The following USP32 variants were observed in gnomAD, a reference collection of about 807,000 sequenced individuals.
USP32 encodes the protein ubiquitin carboxyl-terminal hydrolase 32.
USP32 carries 59 observed loss-of-function variants against 204.8 expected under a neutral mutation model. The ratio of observed to expected loss-of-function variants is 0.29; its 90% CI spans 0.23 to 0.36. The LOEUF (loss-of-function observed/expected upper bound fraction) is 0.36, where lower values mean the gene tolerates loss of function less well. Among genes scored for constraint, USP32 ranks in the 10% least tolerant of loss-of-function variants. USP32 has a pLI of 1.00. For missense variants in USP32, 1,160 were observed against 1,946.4 expected, an observed-to-expected ratio of 0.60 and a Z score of 7.60; for synonymous variants, 517 against 678.4, an observed-to-expected ratio of 0.76 and a Z score of 3.70.
chr17:60,242,265 CT>C (rs1555598524), intron 11 of USP32, among the ~76,000 whole-genome samples: 1 of 152,114 alleles, frequency 6.6e-6, no homozygotes, highest in Non-Finnish European at 1.5e-5. Flanking sequence ...GCTGGGACTA[CT>C]GGCCAGCTAC....
At chr17:60,327,851 G>A (rs888061653) in intron 2 of USP32, among the ~76,000 whole-genome samples, 1 of 152,240 alleles carries the variant, frequency 6.6e-6, no homozygotes, top group African/African-American at 2.4e-5. Context: ...TCACAGCCCG[G>A]CCAGGTATGT....
intron 1 of USP32, among the ~76,000 whole-genome samples, chr17:60,376,181 G>A (rs1483478400): frequency 1.3e-5 from 2 of 152,082 alleles, no homozygotes; most frequent in East Asian, 3.9e-4. Context: ...AAGGAGCTGA[G>A]ATTACAAATG....
chr17:60,223,952 T>C (rs78038914), intron 13 of USP32, among the ~76,000 whole-genome samples: 3,214 of 152,316 alleles, frequency 0.021, 134 homozygotes, highest in African/African-American at 0.073. Context: ...ATATTCCAAA[T>C]GTTCTTGGTA....
At chr17:60,228,000 T>C (rs938805698) in intron 12 of USP32, among the ~76,000 whole-genome samples, 58 of 152,074 alleles carry the variant, frequency 3.8e-4, no homozygotes, top group African/African-American at 1.3e-3. Context: ...ATTTTTAAAA[T>C]TTAGATGGTT....
Position 60,201,660 on chromosome 17 carries a change from A to T in USP32, c.3250-3216T>A, listed in dbSNP as rs1337347409. Among the ~76,000 whole-genome samples the T allele has an allele frequency of 8.7e-3, 1,197 of 137,430 alleles. 18 individuals are homozygous for T. The highest frequency in any genetic ancestry group is 0.028 in the African/African-American group (1,056 of 37,946). 90.2% of individuals were successfully genotyped at this position (137,430 alleles called of 152,430 possible). A position where few individuals can be genotyped will look rare whatever the true frequency, so the allele number is the denominator to read the frequency against. On this transcript the variant is annotated intron_variant, in intron 26 of 33. Transcript: ENST00000300896. ...TCACTGATTACTAGTGTCGTTGATC[A>T]TTTTTTTTTTTTTTTTGAGACGGAG...
intron 1 of USP32, among the ~76,000 whole-genome samples, chr17:60,388,004 A>C (rs2089761036): frequency 6.6e-6 from 1 of 152,132 alleles, no homozygotes. Context: ...AGTGGAGATC[A>C]CTGACCCAAG....
chr17:60,287,468 T>C (rs1210418450), intron 5 of USP32, among the ~76,000 whole-genome samples: 2 of 152,010 alleles, frequency 1.3e-5, no homozygotes, highest in African/African-American at 2.4e-5. Context: ...CTTGGGGAGG[T>C]TGGGCTTTGA....
chr17:60,219,941 T>C lies in USP32; in HGVS notation c.1750-154A>G, dbSNP rs538101455. Among the ~76,000 whole-genome samples, 291 of 151,836 alleles carry C rather than the reference T, an allele frequency of 1.9e-3. 2 individuals carry two copies. Among genetic ancestry groups the C allele is most frequent in the Non-Finnish European group, 2.8e-3 (190 of 67,934 alleles). On this transcript the variant is annotated intron_variant, in intron 15 of 33. Transcript: ENST00000300896. Reference sequence around the variant, plus strand: ...CTGAAACTCACACATTTAAGTTACATGGATCTGATTACTGTTAAAATTCCT... The same window carrying C: ...CTGAAACTCACACATTTAAGTTACACGGATCTGATTACTGTTAAAATTCCT...
chr17:60,302,086 G>A (rs1410796274), intron 2 of USP32, among the ~76,000 whole-genome samples: 1 of 151,232 alleles, frequency 6.6e-6, no homozygotes, highest in Non-Finnish European at 1.5e-5. Context: ...TAAGTGTTCT[G>A]AGCACATATA....
intron 26 of USP32, among the ~76,000 whole-genome samples, chr17:60,201,255 T>A (rs1598053803): frequency 6.6e-6 from 1 of 152,214 alleles, no homozygotes; most frequent in East Asian, 1.9e-4. Flanking sequence ...CATTCCTGTA[T>A]AATGTTCCAT....
rs2086709673 is a variant in USP32, at chr17:60,270,919, G to A, written c.703+431C>T. Among the ~76,000 whole-genome samples, 3 of 151,784 alleles carry A rather than the reference G, an allele frequency of 2.0e-5. No homozygotes were observed. The South Asian group carries it at 6.2e-4, about 31-fold the overall frequency. Reference sequence around the variant, plus strand: ...AATAGTTTCTTCATCTTTTTTTGGAGGGGAGAATACAGCAATGGAATCTTC... The same window carrying A: ...AATAGTTTCTTCATCTTTTTTTGGAAGGGAGAATACAGCAATGGAATCTTC... On this transcript the variant is annotated intron_variant, in intron 6 of 33. Transcript: ENST00000300896.
intron 11 of USP32, among the ~76,000 whole-genome samples, chr17:60,246,337 T>C (rs1036629742): frequency 3.9e-5 from 6 of 152,174 alleles, no homozygotes; most frequent in African/African-American, 1.2e-4. Context: ...TCCATGTTGC[T>C]GCAGATGACA....
At chr17:60,339,763 T>C (rs1481249537) in intron 2 of USP32, among the ~76,000 whole-genome samples, 1 of 152,170 alleles carries the variant, frequency 6.6e-6, no homozygotes, top group Admixed American at 6.5e-5. Flanking sequence ...GAAAATAATT[T>C]AGAAATTTAC....
chr17:60,406,812 C>CCTTT (rs199628321), intron 1 of USP32, among the ~76,000 whole-genome samples: 5,272 of 152,020 alleles, frequency 0.035, 300 homozygotes, highest in African/African-American at 0.12. Flanking sequence ...CTGCGCCTGG[C>CCTTT]CTTTCTTTCT....
intron 26 of USP32, among the ~76,000 whole-genome samples, chr17:60,204,947 A>AAAAGAAGT (rs1249951771): frequency 1.3e-5 from 2 of 150,874 alleles, no homozygotes; most frequent in African/African-American, 4.9e-5. Context: ...TTAGTTAAAA[A>AAAAGAAGT]AAAGAAGTCT....
chr17:60,327,371 C>T (rs1414019409), intron 2 of USP32, among the ~76,000 whole-genome samples: 1 of 144,546 alleles, frequency 6.9e-6, no homozygotes, highest in Non-Finnish European at 1.5e-5. Context: ...TCCACGTCAC[C>T]GAAGCAGCCC....
At chr17:60,292,914 C>T (rs1015736093) in intron 4 of USP32, among the ~76,000 whole-genome samples, 1 of 152,180 alleles carries the variant, frequency 6.6e-6, no homozygotes, top group Non-Finnish European at 1.5e-5. Context: ...CTACCACTCC[C>T]TTGTTCACAC....
rs189366647 is a variant in USP32 at position 60,345,104 on chromosome 17, A to G, written c.186+377T>C. Among the ~76,000 whole-genome samples, 68 of 152,360 alleles carry G rather than the reference A, an allele frequency of 4.5e-4. 1 individual carries two copies. Among genetic ancestry groups the G allele is most frequent in the Middle Eastern group, 6.8e-3 (2 of 294 alleles). ...TTACAACATTTAATTTTATAGAATT[A>G]ACTATGTTTTACTATACAGAAAATT... On this transcript the variant is annotated intron_variant, in intron 2 of 33. Transcript: ENST00000300896.
intron 2 of USP32, among the ~76,000 whole-genome samples, chr17:60,319,019 T>A (rs2088050920): frequency 6.6e-6 from 1 of 152,216 alleles, no homozygotes; most frequent in Admixed American, 6.5e-5. Flanking sequence ...ATGATACCAC[T>A]TACGTAAAGT....
Sources: gnomAD v4.1 joint callset for allele counts (sites outside exome capture counted in the v4.1 genomes callset) on GRCh38, gnomAD v4.1.1 for gene constraint, MANE v1.5 for transcripts, NCBI Gene and HGNC (gene_info 2026-07-23, HGNC 2026-07-21) for gene names.